Variants in RTL4 observed in about 807,000 individuals in gnomAD.
RTL4 encodes the protein retrotransposon Gag-like protein 4.
Under a neutral mutation model 5.3 loss-of-function variants are expected in RTL4, and 4 were observed. The observed-to-expected ratio is 0.75, with a 90% CI of 0.37 to 1.72. RTL4 has a LOEUF of 1.72. RTL4 is among the 40% of genes most tolerant of loss of function. RTL4 has a pLI of 0.04. For synonymous variants in RTL4, 98 were observed against 87.3 expected (o/e 1.12, Z -0.68); for missense variants, 260 against 227.1 (o/e 1.14, Z -0.93).
At chrX:112,124,035 C>A in the RTL4 span, among the ~76,000 whole-genome samples, 1 of 111,091 alleles carries the variant, frequency 9.0e-6, no homozygotes, top group Non-Finnish European at 1.9e-5. Flanking sequence ...TATGAACAGA[C>A]ACTTCTCAAA....
the RTL4 span, among the ~76,000 whole-genome samples, chrX:112,168,465 C>T: frequency 1.8e-5 from 2 of 111,424 alleles, no homozygotes; most frequent in African/African-American, 3.3e-5. Context: ...GGGCTGCATT[C>T]CCAGGAGGTG....
chrX:112,261,537 A>G, the RTL4 span, among the ~76,000 whole-genome samples: 1 of 111,791 alleles, frequency 8.9e-6, no homozygotes, highest in African/African-American at 3.3e-5. Context: ...TCAACAAAAT[A>G]AAAGAGGACA....
chrX:112,200,685 T>C, the RTL4 span, among the ~76,000 whole-genome samples: 1 of 111,769 alleles, frequency 8.9e-6, no homozygotes, highest in African/African-American at 3.3e-5. Flanking sequence ...CCAAAGTTAG[T>C]GAGGTGATCC....
At chrX:112,169,071 T>TCTTTCTTC in the RTL4 span, among the ~76,000 whole-genome samples, 1 of 61,022 alleles carries the variant, frequency 1.6e-5, no homozygotes, top group Non-Finnish European at 2.9e-5. Flanking sequence ...TTTCTTTCTT[T>TCTTTCTTC]TTTCTTTCTT....
chrX:112,339,663 A>G, the RTL4 span, among the ~76,000 whole-genome samples: 1 of 112,833 alleles, frequency 8.9e-6, no homozygotes, highest in Non-Finnish European at 1.9e-5. Context: ...GACTAAAGCC[A>G]TAACAGTGTA....
chrX:112,378,129 A>G, the RTL4 span, among the ~76,000 whole-genome samples: 1 of 111,359 alleles, frequency 9.0e-6, no homozygotes, highest in African/African-American at 3.3e-5. Context: ...CCAGGTTTCC[A>G]TGTCATCCAT....
At chrX:112,348,968 T>G in the RTL4 span, among the ~76,000 whole-genome samples, 1 of 110,589 alleles carries the variant, frequency 9.0e-6, no homozygotes, top group Non-Finnish European at 1.9e-5. Context: ...TATTTACTTC[T>G]GTAATTCTCA....
chrX:112,451,686 G>T (rs779880323), upstream of RTL4, among the ~76,000 whole-genome samples: 9 of 111,568 alleles, frequency 8.1e-5, no homozygotes, highest in African/African-American at 2.9e-4. Flanking sequence ...AAACCAAGTC[G>T]CTTTGAGTTT....
the RTL4 span, among the ~76,000 whole-genome samples, chrX:112,212,993 T>G: frequency 8.9e-6 from 1 of 112,234 alleles, no homozygotes. Context: ...GGAGGAGATA[T>G]ACTTGCGTGT....
At chrX:112,425,071 G>T in the RTL4 span, among the ~76,000 whole-genome samples, 1 of 111,119 alleles carries the variant, frequency 9.0e-6, no homozygotes, top group African/African-American at 3.3e-5. Context: ...AAAATCCTCT[G>T]TGCGCTGCCT....
chrX:112,326,125 A>G, the RTL4 span, among the ~76,000 whole-genome samples: 1 of 111,982 alleles, frequency 8.9e-6, no homozygotes, highest in African/African-American at 3.2e-5. Context: ...TAGAATGGCG[A>G]TCATTAAAAA....
the RTL4 span, among the ~76,000 whole-genome samples, chrX:112,207,069 C>A: frequency 4.4e-4 from 49 of 111,875 alleles, no homozygotes; most frequent in East Asian, 0.013. Context: ...GTTCAAGTTA[C>A]CATCATTGCT....
chrX:112,310,416 T>TATATG, the RTL4 span, among the ~76,000 whole-genome samples: 16 of 21,023 alleles, frequency 7.6e-4, no homozygotes, highest in South Asian at 1.8e-3. Context: ...ATATATATAT[T>TATATG]TAATATAATA....
At chrX:112,138,382 A>G in the RTL4 span, among the ~76,000 whole-genome samples, 1 of 111,885 alleles carries the variant, frequency 8.9e-6, no homozygotes, top group African/African-American at 3.2e-5. Flanking sequence ...ATTGGGTAAG[A>G]AAGTAAATAT....
At chrX:112,398,688 C>T in the RTL4 span, among the ~76,000 whole-genome samples, 43 of 111,561 alleles carry the variant, frequency 3.9e-4, no homozygotes, top group African/African-American at 1.4e-3. Context: ...CGTGAGCCAC[C>T]GCACCTGGCC....
chrX:112,455,398 G>A lies in RTL4; in HGVS notation c.670G>A (p.Glu224Lys), dbSNP rs753366479. Residue 224 changes from glutamate (E) to lysine (K), a missense_variant, in exon 1 of 1, where the codon GAG becomes AAG. Physicochemically the swap from Glu to Lys is moderately conservative, Grantham distance 56. Coordinates refer to ENST00000340433, the Ensembl canonical transcript of RTL4. ...GGACAAGAAACATAGTGACAGGCCA[G>A]AGCTCCTACAGTCAGAGACCCAGCT... is the stretch of plus-strand genomic sequence containing the variant. The A allele has an allele frequency of 2.5e-6, 3 of 1,211,615 alleles. No homozygotes were observed. In the South Asian group the frequency reaches 5.3e-5, roughly 21 times the overall value.
the RTL4 span, among the ~76,000 whole-genome samples, chrX:112,444,375 G>A: frequency 6.5e-3 from 730 of 111,733 alleles, 7 homozygotes; most frequent in African/African-American, 0.023. Context: ...GTTGGGTAAT[G>A]TAATTCCTCA....
At chrX:112,370,371 G>A in the RTL4 span, among the ~76,000 whole-genome samples, 1 of 111,089 alleles carries the variant, frequency 9.0e-6, no homozygotes, top group Admixed American at 9.5e-5. Flanking sequence ...TCCTCTCACG[G>A]TAACAACAGT....
At chrX:112,110,077 G>A in the RTL4 span, among the ~76,000 whole-genome samples, 53 of 112,230 alleles carry the variant, frequency 4.7e-4, no homozygotes, top group African/African-American at 1.1e-3. Flanking sequence ...CTAGAAAGGG[G>A]AGAAGCCATG....
Sources: allele counts gnomAD v4.1 joint callset (sites outside exome capture counted in the v4.1 genomes callset), GRCh38; gene constraint gnomAD v4.1.1; transcripts MANE v1.5; gene names NCBI Gene and HGNC (gene_info 2026-07-23, HGNC 2026-07-21).